Variants in PCTP observed in about 807,000 individuals in gnomAD.
The protein encoded by PCTP is phosphatidylcholine transfer protein.
Under a neutral mutation model 31.0 loss-of-function variants are expected in PCTP, and 27 were observed. The observed-to-expected ratio is 0.87, with a 90% CI of 0.64 to 1.20. The LOEUF is 1.20. Among genes scored for constraint, PCTP ranks in the 50% most tolerant of loss-of-function variants. The pLI, the probability that PCTP is intolerant of heterozygous loss-of-function variation, is 0.00. For synonymous variants in PCTP, 108 were observed against 101.2 expected, an observed-to-expected ratio of 1.07 and a Z score of -0.40; for missense variants, 287 against 268.2, an observed-to-expected ratio of 1.07 and a Z score of -0.49.
chr17:55,771,260 A>G (rs2144959309), intron 3 of PCTP, 75 bp downstream of exon 3: 2 of 1,158,750 alleles, frequency 1.7e-6, no homozygotes, highest in East Asian at 4.7e-5. Context: ...TCTATTGCAG[A>G]GAGGTAGAGC....
At chr17:55,773,354 A>C (rs1408276059) in intron 3 of PCTP, among the ~76,000 whole-genome samples, 1 of 152,194 alleles carries the variant, frequency 6.6e-6, no homozygotes, top group East Asian at 1.9e-4. Flanking sequence ...CCTTTCCTAC[A>C]TAGGGAATCT....
At position 55,796,297 on chromosome 17, in the gene PCTP, A is replaced by T. The variant is rs1043641090; in HGVS notation, c.317+8643A>T. ...GACTCTCATAAATTTTTAAACATGG[A>T]CATTACATGGTTGGATTTCTCATAG... On this transcript the variant is annotated intron_variant, in intron 3 of 3. Transcript: ENST00000572536. 3.2e-4 allele frequency among the ~76,000 whole-genome samples: 49 copies of T among 152,146 alleles called. 2 individuals are homozygous for T. Among genetic ancestry groups the T allele is most frequent in the African/African-American group, 1.2e-3 (49 of 41,560 alleles).
At chr17:55,787,735 A>G (rs900894975) in intron 3 of PCTP, 1 of 152,078 alleles carries the variant, frequency 6.6e-6, no homozygotes, top group Admixed American at 6.6e-5. Flanking sequence ...CATTATCTCC[A>G]CTGTCTTTTC....
intron 1 of PCTP, among the ~76,000 whole-genome samples, chr17:55,751,934 T>C (rs1463229643): frequency 6.6e-6 from 1 of 152,210 alleles, no homozygotes; most frequent in African/African-American, 2.4e-5. Flanking sequence ...TGTGTAATAG[T>C]CGCAGCATGG....
chr17:55,822,604 C>T (rs1454115), intron 3 of PCTP, among the ~76,000 whole-genome samples: 32,440 of 151,988 alleles, frequency 0.21, 4,072 homozygotes, highest in African/African-American at 0.36. Flanking sequence ...TAAGAATATA[C>T]TCTTTCATTC....
intron 1 of PCTP, among the ~76,000 whole-genome samples, chr17:55,751,747 T>C (rs1037978413): frequency 1.3e-5 from 2 of 152,112 alleles, no homozygotes; most frequent in African/African-American, 4.8e-5. Flanking sequence ...CTCGTTTCTT[T>C]TGGTTGTTGC....
downstream of PCTP, among the ~76,000 whole-genome samples, chr17:55,845,652 A>C (rs750416326): frequency 2.0e-4 from 31 of 151,804 alleles, no homozygotes; most frequent in Admixed American, 3.3e-4. Context: ...TGTGGTGCCC[A>C]GCGCAGTCAG....
downstream of PCTP, among the ~76,000 whole-genome samples, chr17:55,844,444 C>T (rs182319215): frequency 6.6e-6 from 1 of 152,202 alleles, no homozygotes; most frequent in East Asian, 1.9e-4. Flanking sequence ...TTCTGATTCG[C>T]CAATCTATTG....
At chr17:55,804,862 A>T (rs1047804737) in intron 3 of PCTP, among the ~76,000 whole-genome samples, 5 of 151,962 alleles carry the variant, frequency 3.3e-5, no homozygotes, top group Non-Finnish European at 5.9e-5. Context: ...AAAATTTAAT[A>T]AAAAAAATTG....
At chr17:55,798,733 G>T (rs117528206) in intron 3 of PCTP, among the ~76,000 whole-genome samples, 1 of 151,870 alleles carries the variant, frequency 6.6e-6, no homozygotes, top group East Asian at 1.9e-4. Flanking sequence ...AATACTAAAA[G>T]AAGATATTTG....
intron 1 of PCTP, among the ~76,000 whole-genome samples, chr17:55,765,451 C>T (rs1910586360): frequency 6.6e-6 from 1 of 152,100 alleles, no homozygotes; most frequent in Non-Finnish European, 1.5e-5. Context: ...TGATTCTTTG[C>T]TTTCCCTTTC....
In PCTP at chr17:55,834,325, A is replaced by G. The variant is rs572238906; in HGVS notation, n.506-8402A>G. ...CTAGGTATTAAGCCCAGCATGCATT[A>G]CCTACTTTTCCTGATGCTCTCCCTC... On this transcript the variant is annotated intron_variant and non_coding_transcript_variant, in intron 5 of 5. Coordinates refer to the PCTP transcript ENST00000576221. Among the ~76,000 whole-genome samples, 3 of 152,060 alleles carry G rather than the reference A, an allele frequency of 2.0e-5. No homozygotes were observed. The East Asian group carries it at 5.8e-4, about 30-fold the overall frequency.
chr17:55,839,110 A>ATGTCATTTTTT (rs1363414316), intron 5 of PCTP, among the ~76,000 whole-genome samples: 1 of 152,220 alleles, frequency 6.6e-6, no homozygotes, highest in Non-Finnish European at 1.5e-5. Flanking sequence ...TGTTTTTTCT[A>ATGTCATTTTTT]TTATCATATG....
chr17:55,839,919 C>CA (rs57402824), intron 5 of PCTP, among the ~76,000 whole-genome samples: 939 of 12,424 alleles, frequency 0.076, 217 homozygotes, highest in African/African-American at 0.15. Context: ...GACTCAGTCT[C>CA]AAAAAAAAAA....
chr17:55,839,071 G>A (rs560143150), intron 5 of PCTP, among the ~76,000 whole-genome samples: 17 of 152,288 alleles, frequency 1.1e-4, no homozygotes, highest in African/African-American at 2.9e-4. Flanking sequence ...ATAGGAGAGC[G>A]CAGATAGAAT....
chr17:55,776,039 G>C lies in PCTP; in HGVS notation c.584G>C (p.Gly195Ala). ...SWLINWAAKN[G>A]VPNFLKDMAR... ...ACAGTCTCATTTCCTTTGCAGAATG[G>C]AGTTCCTAACTTCTTGAAAGACATG... Residue 195 changes from glycine (G) to alanine (A), a missense_variant, in exon 6 of 6, where the codon GGA (glycine) becomes GCA (alanine). Gly to Ala is a moderately conservative substitution (Grantham distance 60, BLOSUM62 0). Transcript: ENST00000268896. 6.2e-7 allele frequency: 1 copy of C among 1,613,824 alleles called. No homozygotes were observed. The highest frequency in any genetic ancestry group is 8.5e-7 in the Non-Finnish European group (1 of 1,179,894).
intron 3 of PCTP, among the ~76,000 whole-genome samples, chr17:55,820,826 G>T (rs1323196231): frequency 1.3e-5 from 2 of 152,146 alleles, no homozygotes; most frequent in Non-Finnish European, 2.9e-5. Flanking sequence ...ACTGCAGTGA[G>T]ATGCCACTTC....
At chr17:55,849,340 C>T in the PCTP span, among the ~76,000 whole-genome samples, 2 of 152,138 alleles carry the variant, frequency 1.3e-5, no homozygotes, top group East Asian at 1.9e-4. Context: ...AATAGCACTA[C>T]AGTCAGGTGC....
At chr17:55,768,302 A>T (rs1044681458) in intron 2 of PCTP, among the ~76,000 whole-genome samples, 1 of 152,010 alleles carries the variant, frequency 6.6e-6, no homozygotes, top group Non-Finnish European at 1.5e-5. Flanking sequence ...TGCCACTTTT[A>T]AGTTGTGTGA....
Sources: allele counts gnomAD v4.1 joint callset (sites outside exome capture counted in the v4.1 genomes callset), GRCh38; gene constraint gnomAD v4.1.1; transcripts MANE v1.5; gene names NCBI Gene and HGNC (gene_info 2026-07-23, HGNC 2026-07-21).